CDH26: variants seen among roughly 807,000 people sequenced by gnomAD.
CDH26 encodes the protein cadherin 26, also known as cadherin-like protein 26.
CDH26 carries 83 observed loss-of-function variants against 90.3 expected under a neutral mutation model. The ratio of observed to expected loss-of-function variants is 0.92; its 90% CI spans 0.77 to 1.10. CDH26 has a LOEUF of 1.10. CDH26 is among the 50% of genes least tolerant of loss of function. The pLI, the probability that CDH26 is intolerant of heterozygous loss-of-function variation, is 0.00. For missense variants in CDH26, 1,013 were observed against 1,037.6 expected (o/e 0.98, Z 0.33); for synonymous variants, 397 against 396.3 (o/e 1.00, Z -0.02).
Position 60,030,379 on chromosome 20 carries a change from T to G in CDH26, c.948-852T>G, listed in dbSNP as rs752338394. On this transcript the variant is annotated intron_variant, in intron 7 of 8. Coordinates refer to the CDH26 transcript ENST00000370991. The surrounding 1 kb of genome is among the most constrained non-coding windows in gnomAD (Gnocchi z 4.0). ...TGTTGGTGTTTTAAGTATCTGGGTT[T>G]TTTTTTGTTTGCTTTTTTTTGTTTT... Among the ~76,000 whole-genome samples the G allele has an allele frequency of 6.6e-6, 1 of 152,204 alleles. No individual in the cohort carries two copies. The highest frequency in any genetic ancestry group is 1.5e-5 in the Non-Finnish European group (1 of 68,038).
At chr20:59,984,339 T>C (rs1000945217) in intron 5 of CDH26, among the ~76,000 whole-genome samples, 2 of 152,282 alleles carry the variant, frequency 1.3e-5, no homozygotes, top group African/African-American at 4.8e-5. Context: ...AGATATATTT[T>C]CCTGCTTTAT....
chr20:60,031,294 G>T, exon 8 of CDH26: 1 of 1,288,726 alleles, frequency 7.8e-7, no homozygotes. Flanking sequence ...AAGAGCCACA[G>T]CTGGGCGAGG....
intron 7 of CDH26, among the ~76,000 whole-genome samples, chr20:60,031,003 C>T (rs1235941850): frequency 6.6e-6 from 1 of 152,150 alleles, no homozygotes; most frequent in Non-Finnish European, 1.5e-5. Context: ...AAAGCAGCCT[C>T]GAGGGCTGCT....
At chr20:60,004,490 G>A (rs1046498625) in intron 16 of CDH26, among the ~76,000 whole-genome samples, 4 of 152,010 alleles carry the variant, frequency 2.6e-5, no homozygotes, top group African/African-American at 7.2e-5. Context: ...CACAGGCCAG[G>A]GCGCCGTGGC....
chr20:60,012,590 G>A lies in CDH26; in HGVS notation c.2359G>A (p.Glu787Lys). The change falls in exon 18 of 18, where the codon GAA becomes AAA. Residue 787 changes from glutamate (E) to lysine (K), a missense_variant. Glu to Lys is a moderately conservative substitution (Grantham distance 56). Coordinates refer to ENST00000348616, the MANE Select transcript of CDH26 (RefSeq NM_177980.4). ...CTACCTACCTCACGTCTACAGCGAG[G>A]AAGGGGAGTGTGGAGGGGCCCCATC... ...PGYLPHVYSE[E>K]GECGGAPSLS... is the part of the protein sequence containing the mutation. The A allele has an allele frequency of 6.2e-7, 1 of 1,613,708 alleles. No homozygotes were observed. Among genetic ancestry groups the A allele is most frequent in the Non-Finnish European group, 8.5e-7 (1 of 1,179,788 alleles).
chr20:59,960,784 C>T (rs548924158), intron 1 of CDH26, among the ~76,000 whole-genome samples: 52 of 152,328 alleles, frequency 3.4e-4, no homozygotes, highest in African/African-American at 1.2e-3. Flanking sequence ...CCCAGACAAA[C>T]GTCATCTTCT....
At chr20:60,009,564 C>A (rs995520394) in intron 17 of CDH26, among the ~76,000 whole-genome samples, 1 of 152,126 alleles carries the variant, frequency 6.6e-6, no homozygotes, top group Non-Finnish European at 1.5e-5. Context: ...CCTCCCTCTG[C>A]GGGGCAGGGA....
rs11086689 is a variant in CDH26 at position 59,963,252 on chromosome 20, A to ATTT, written c.69+4473_69+4475dup. Among the ~76,000 whole-genome samples the ATTT allele has an allele frequency of 8.2e-3, 1,002 of 122,912 alleles. 25 individuals carry two copies. The highest frequency in any genetic ancestry group is 0.013 in the Non-Finnish European group (794 of 61,090). The allele number at this position is 122,912 out of a possible 152,430, so 80.6% of individuals were successfully genotyped here. On this transcript the variant is annotated intron_variant, in intron 1 of 17. Coordinates refer to ENST00000348616, the MANE Select transcript of CDH26 (RefSeq NM_177980.4). ...CATAGCTGGTGAGGGGTAGATAAGG[A>ATTT]TTTTTTTTTTTTTTTTTTGGCAGGG...
intron 7 of CDH26, among the ~76,000 whole-genome samples, chr20:59,985,616 A>G (rs2061447774): frequency 6.6e-6 from 1 of 152,102 alleles, no homozygotes; most frequent in African/African-American, 2.4e-5. Flanking sequence ...AACACTGGGG[A>G]TCACATTTCA....
chr20:59,986,465 T>C (rs1034973072), intron 7 of CDH26, among the ~76,000 whole-genome samples: 1 of 152,188 alleles, frequency 6.6e-6, no homozygotes, highest in Non-Finnish European at 1.5e-5. Context: ...AAAGTAAATA[T>C]CCACCATATT....
intron 17 of CDH26, among the ~76,000 whole-genome samples, chr20:60,008,500 C>A (rs2061783976): frequency 2.0e-5 from 3 of 152,134 alleles, no homozygotes; most frequent in African/African-American, 4.8e-5. Context: ...CTCTGTGGAC[C>A]CTGCTGTAGT....
rs1297207713 is a variant in CDH26 at position 59,992,613 on chromosome 20, A to G, written c.1426+93A>G. 7.9e-7 allele frequency: 1 copy of G among 1,271,846 alleles called. No homozygotes were observed. The highest frequency in any genetic ancestry group is 1.1e-6 in the Non-Finnish European group (1 of 889,388). 78.8% of individuals were successfully genotyped at this position (1,271,846 alleles called of 1,614,324 possible). A position where few individuals can be genotyped will look rare whatever the true frequency, so the allele number is the denominator to read the frequency against. On this transcript the variant is annotated intron_variant, in intron 10 of 17. Transcript: ENST00000348616. This position sits in a 1 kb window ranked among gnomAD's most constrained non-coding sequence, Gnocchi z 5.0. ...GTGAGCGTCTTTCAGCACAGCAGAG[A>G]AAAGGATAAAATAAACCTTGTTATC... is the stretch of plus-strand genomic sequence containing the variant.
At chr20:59,967,837 C>A (rs1186896597) in intron 1 of CDH26, among the ~76,000 whole-genome samples, 33 of 76,052 alleles carry the variant, frequency 4.3e-4, no homozygotes, top group African/African-American at 2.6e-3. Flanking sequence ...TTCTTTCTTT[C>A]TTTCTTTCTT....
intron 7 of CDH26, among the ~76,000 whole-genome samples, chr20:60,021,821 T>C (rs1227222629): frequency 2.7e-5 from 4 of 146,670 alleles, no homozygotes; most frequent in Non-Finnish European, 6.0e-5. Context: ...GTCTTCTTTG[T>C]GTATTTTGAA....
rs778786053 is a variant in CDH26, at chr20:59,989,056, C to T, written c.1176C>T (p.Asp392=). 13 of 1,614,070 alleles carry T rather than the reference C, an allele frequency of 8.1e-6. 1 individual carries two copies. In the South Asian group the frequency reaches 1.3e-4, roughly 16 times the overall value. Residue 392 remains aspartate (D), a synonymous_variant, in exon 9 of 18, where the codon GAC becomes GAT. Transcript: ENST00000348616. The stretch of plus-strand genomic sequence containing the variant: ...GTGTGCAGGTGACAGACGCCAACGA[C>T]CCACCAGCCTTTCACCCCCAGAGCT... The part of the protein sequence containing the change: ...TVSVQVTDAN[D]PPAFHPQSFI...
intron 8 of CDH26, chr20:60,033,462 T>C: frequency 7.7e-7 from 1 of 1,298,782 alleles, no homozygotes; most frequent in Non-Finnish European, 1.0e-6. Flanking sequence ...AATTCTCACT[T>C]TCTGTTTTCA....
At chr20:59,974,092 C>G (rs1248741305) in intron 4 of CDH26, among the ~76,000 whole-genome samples, 2 of 152,172 alleles carry the variant, frequency 1.3e-5, no homozygotes, top group Non-Finnish European at 2.9e-5. Context: ...GCCATTCTGA[C>G]TGGTGTGAGA....
intron 1 of CDH26, among the ~76,000 whole-genome samples, chr20:59,961,535 G>A (rs192117035): frequency 3.3e-5 from 5 of 151,926 alleles, no homozygotes; most frequent in Non-Finnish European, 5.9e-5. Flanking sequence ...TTACATCCCC[G>A]CCCCCTGAAT....
chr20:60,001,223 T>G, intron 14 of CDH26, 120 bp from the exon 15 acceptor site: 2 of 1,206,340 alleles, frequency 1.7e-6, no homozygotes, highest in Non-Finnish European at 1.2e-6. Context: ...ATCGTGTTAA[T>G]TTGTGTTTGC....
Sources: allele counts gnomAD v4.1 joint callset (sites outside exome capture counted in the v4.1 genomes callset), GRCh38; gene constraint gnomAD v4.1.1; non-coding constraint Gnocchi (gnomAD v3.1); transcripts MANE v1.5; gene names NCBI Gene and HGNC (gene_info 2026-07-23, HGNC 2026-07-21).